The following ZNF492 variants were observed in gnomAD, a reference collection of about 807,000 sequenced individuals.
ZNF492 encodes the protein zinc finger protein 115 (Y20).
ZNF492 carries 3 observed loss-of-function variants against 6.4 expected under a neutral mutation model. The observed-to-expected ratio is 0.47, with a 90% CI of 0.21 to 1.22. ZNF492 has a LOEUF of 1.22. Ranked by LOEUF, ZNF492 falls within the 50% of genes most tolerant of loss-of-function variation. The probability of loss-of-function intolerance (pLI) is 0.22; values close to 1 mark genes in which losing one functional copy is unlikely to be tolerated. For synonymous variants in ZNF492, 112 were observed against 205.3 expected (o/e 0.55, Z 3.89); for missense variants, 356 against 612.5 (o/e 0.58, Z 4.42).
At chr19:22,655,199 C>T (rs540192639) in intron 3 of ZNF492, among the ~76,000 whole-genome samples, 13 of 151,442 alleles carry the variant, frequency 8.6e-5, no homozygotes, top group East Asian at 2.0e-4. Flanking sequence ...GAGGCTGAGG[C>T]GGAAGAATCG....
At chr19:22,655,818 T>TG (rs1971990604) in intron 3 of ZNF492, among the ~76,000 whole-genome samples, 1 of 100,864 alleles carries the variant, frequency 9.9e-6, no homozygotes, top group Non-Finnish European at 2.0e-5. Flanking sequence ...TTCTTGTTGT[T>TG]TTTTTTTTTT....
chr19:22,655,018 C>T (rs1466149668), intron 3 of ZNF492, among the ~76,000 whole-genome samples: 3 of 151,694 alleles, frequency 2.0e-5, no homozygotes, highest in African/African-American at 7.3e-5. Flanking sequence ...TTCAGCCGGG[C>T]ATGGTGGCTC....
chr19:22,657,795 C>A (rs12983761), intron 3 of ZNF492, among the ~76,000 whole-genome samples: 16,991 of 152,094 alleles, frequency 0.11, 1,028 homozygotes, highest in East Asian at 0.16. Context: ...AGAGATAGAT[C>A]AGCCTTATCT....
intron 3 of ZNF492, among the ~76,000 whole-genome samples, chr19:22,654,671 G>A (rs898908628): frequency 1.4e-5 from 2 of 147,480 alleles, no homozygotes; most frequent in Admixed American, 6.8e-5. Flanking sequence ...TCATCATCTC[G>A]GCTAACTGCA....
intron 1 of ZNF492, among the ~76,000 whole-genome samples, chr19:22,644,905 TTAA>T (rs1190925393): frequency 2.0e-5 from 3 of 152,230 alleles, no homozygotes; most frequent in Admixed American, 1.3e-4. Context: ...TTCTGACTTT[TTAA>T]TAATCACCAT....
chr19:22,634,337 G>C lies in ZNF492; in HGVS notation c.-231G>C. 1.0e-6 allele frequency: 1 copy of C among 970,714 alleles called. No homozygotes were observed. Among genetic ancestry groups the C allele is most frequent in the Non-Finnish European group, 1.5e-6 (1 of 654,792 alleles). 60.1% of individuals were successfully genotyped at this position (970,714 alleles called of 1,614,324 possible). ...GGATGTGGCGGGGTCTTTGTCTCTC[G>C]CTGCAGTCGGAGTATGGTCTAGTGT... On this transcript the variant is annotated 5_prime_UTR_variant, in exon 1 of 4. Transcript: ENST00000456783.
chr19:22,665,381 A>T lies in ZNF492; in HGVS notation c.*116A>T, dbSNP rs1232166240. 11 of 1,476,842 alleles carry T rather than the reference A, an allele frequency of 7.4e-6. No homozygotes were observed. The highest frequency in any genetic ancestry group is 9.0e-6 in the Non-Finnish European group (10 of 1,114,998). 91.5% of individuals were successfully genotyped at this position (1,476,842 alleles called of 1,614,324 possible). ...GAATGAACAGTGTGGCAAAACTTAC[A>T]CAATGCTCAAACCTTATTGCACAGG... On this transcript the variant is annotated 3_prime_UTR_variant, in exon 4 of 4. Coordinates refer to ENST00000456783, the MANE Select transcript of ZNF492 (RefSeq NM_020855.3).
In ZNF492 at chr19:22,634,458, C is replaced by G. The variant is rs1411416250; in HGVS notation, c.-110C>G. ...TCCACAGCTAAGACGCTAGGACCCC[C>G]TGGAAGCCTAGAAACGGTGAGAGTG... On this transcript the variant is annotated 5_prime_UTR_variant, in exon 1 of 4. Transcript: ENST00000456783. 7.2e-7 allele frequency: 1 copy of G among 1,384,956 alleles called. No individual in the cohort carries two copies. The highest frequency in any genetic ancestry group is 1.0e-6 in the Non-Finnish European group (1 of 989,126). 85.8% of individuals were successfully genotyped at this position (1,384,956 alleles called of 1,614,324 possible).
At chr19:22,639,895 A>G (rs1207437136) in intron 1 of ZNF492, among the ~76,000 whole-genome samples, 3 of 150,826 alleles carry the variant, frequency 2.0e-5, no homozygotes, top group Non-Finnish European at 2.9e-5. Flanking sequence ...TATGTTGAAT[A>G]GGAGTGTTGA....
rs760041910 is a variant in ZNF492, at chr19:22,655,813, G to GTTTTTTTTTTTTTTTTTTT, written c.130+1800_130+1801insTTTTTTTTTTTTTTTTTTT. 4.6e-5 allele frequency among the ~76,000 whole-genome samples: 3 copies of GTTTTTTTTTTTTTTTTTTT among 64,908 alleles called. 1 individual carries two copies. The highest frequency in any genetic ancestry group is 7.8e-5 in the African/African-American group (1 of 12,880). The allele number at this position is 64,908 out of a possible 152,430, so 42.6% of individuals were successfully genotyped here. A position where few individuals can be genotyped will look rare whatever the true frequency, so the allele number is the denominator to read the frequency against. ...GCAAACACCTCTTCAAGTTTTTCTTGTTGTTTTTTTTTTTTTTTTTTTTTT... is the reference window on the plus strand; with the variant it reads ...GCAAACACCTCTTCAAGTTTTTCTTGTTTTTTTTTTTTTTTTTTTTTGTTTTTTTTTTTTTTTTTTTTTT... On this transcript the variant is annotated intron_variant, in intron 3 of 3. Transcript: ENST00000456783.
chr19:22,660,612 G>A (rs1004978983), intron 3 of ZNF492, among the ~76,000 whole-genome samples: 1 of 148,842 alleles, frequency 6.7e-6, no homozygotes, highest in Non-Finnish European at 1.5e-5. Context: ...TAATTTCTGT[G>A]CTTTTATTTT....
chr19:22,649,831 T>C (rs4627499), intron 1 of ZNF492, among the ~76,000 whole-genome samples: 29,438 of 152,124 alleles, frequency 0.19, 3,709 homozygotes, highest in African/African-American at 0.36. Context: ...TTCTAGTTAG[T>C]GGCTCCTCTC....
At chr19:22,634,504 G>C (rs1027146939) in intron 1 of ZNF492, 30 bp downstream of exon 1, 6 of 1,374,762 alleles carry the variant, frequency 4.4e-6, no homozygotes, top group Non-Finnish European at 6.1e-6. Context: ...CATCCCGAGA[G>C]AGGGGAAGGG....
At chr19:22,652,308 A>G (rs1291009097) in intron 1 of ZNF492, among the ~76,000 whole-genome samples, 1 of 126,644 alleles carries the variant, frequency 7.9e-6, no homozygotes, top group East Asian at 2.3e-4. Flanking sequence ...GCTCACTGCA[A>G]GCTCCGCTTC....
intron 3 of ZNF492, among the ~76,000 whole-genome samples, chr19:22,663,409 G>T (rs568617033): frequency 6.6e-6 from 1 of 152,028 alleles, no homozygotes; most frequent in African/African-American, 2.4e-5. Context: ...CAGTGTAAAA[G>T]CCCCTGCCAT....
intron 1 of ZNF492, among the ~76,000 whole-genome samples, chr19:22,650,006 AT>A (rs1316215618): frequency 6.6e-6 from 1 of 152,198 alleles, no homozygotes; most frequent in Admixed American, 6.5e-5. Flanking sequence ...CATTGCAATC[AT>A]TTGGAGAAGA....
intron 3 of ZNF492, among the ~76,000 whole-genome samples, chr19:22,655,813 GTTGTTTTTTTT>G (rs1255931127): frequency 0.13 from 8,552 of 64,514 alleles, 312 homozygotes; most frequent in South Asian, 0.17. Flanking sequence ...AGTTTTTCTT[GTTGTTTTTTTT>G]TTTTTTTTTT....
intron 3 of ZNF492, among the ~76,000 whole-genome samples, chr19:22,655,826 T>C (rs1297400387): frequency 7.2e-6 from 1 of 138,158 alleles, no homozygotes; most frequent in African/African-American, 2.7e-5. Context: ...GTTTTTTTTT[T>C]TTTTTTTTTT....
At chr19:22,640,208 G>A (rs1971812650) in intron 1 of ZNF492, among the ~76,000 whole-genome samples, 1 of 151,738 alleles carries the variant, frequency 6.6e-6, no homozygotes, top group South Asian at 2.1e-4. Flanking sequence ...TCTTGCCTAG[G>A]CTGGAGTGCA....
Sources: allele counts gnomAD v4.1 joint callset (sites outside exome capture counted in the v4.1 genomes callset), GRCh38; gene constraint gnomAD v4.1.1; transcripts MANE v1.5; gene names NCBI Gene and HGNC (gene_info 2026-07-23, HGNC 2026-07-21).